FBXL17: variants seen among roughly 807,000 people sequenced by gnomAD.
FBXL17 encodes the protein F-box and leucine rich repeat protein 17, also known as F-box/LRR-repeat protein 17.
A neutral mutation model predicts 66.2 loss-of-function variants in FBXL17; 22 were observed. The observed-to-expected ratio is 0.33, with a 90% CI of 0.24 to 0.47. FBXL17 has a LOEUF of 0.47. Ranked by LOEUF, FBXL17 falls within the 20% of genes least tolerant of loss-of-function variation. The pLI is 1.00. For synonymous variants in FBXL17, 474 were observed against 400.5 expected (o/e 1.18, Z -2.19); for missense variants, 878 against 948.2 (o/e 0.93, Z 0.97).
chr5:108,349,360 ATGAG>A (rs1257425353), intron 3 of FBXL17, among the ~76,000 whole-genome samples: 3 of 152,156 alleles, frequency 2.0e-5, no homozygotes, highest in Admixed American at 6.6e-5. Context: ...TGATTAGCGC[ATGAG>A]TGAGTTTTTA....
At chr5:108,091,783 C>A (rs1749196360) in intron 6 of FBXL17, among the ~76,000 whole-genome samples, 1 of 152,146 alleles carries the variant, frequency 6.6e-6, no homozygotes, top group Non-Finnish European at 1.5e-5. Flanking sequence ...TTTGTGAATT[C>A]CTTAAATTTG....
At chr5:107,947,927 C>A (rs1751368352) in intron 7 of FBXL17, among the ~76,000 whole-genome samples, 1 of 152,108 alleles carries the variant, frequency 6.6e-6, no homozygotes, top group Non-Finnish European at 1.5e-5. Flanking sequence ...ATACTCTGAA[C>A]AGAAGATGGG....
chr5:107,934,638 C>A (rs796364074), intron 7 of FBXL17, among the ~76,000 whole-genome samples: 35 of 152,208 alleles, frequency 2.3e-4, no homozygotes, highest in African/African-American at 7.9e-4. Context: ...ATTTTGCAGA[C>A]TAGCTCTGGT....
chr5:108,177,919 A>G lies in FBXL17; in HGVS notation c.1745+8198T>C, dbSNP rs1222496868. On this transcript the variant is annotated intron_variant, in intron 6 of 8. Transcript: ENST00000542267. ...GCTCCAGAAAAAAAAATGTATATAT[A>G]TATATATATATATACACACACACAC... Among the ~76,000 whole-genome samples the G allele has an allele frequency of 1.1e-4, 16 of 141,954 alleles. 1 individual carries two copies. The South Asian group carries it at 3.1e-3, about 28-fold the overall frequency. The allele number at this position is 141,954 out of a possible 152,430, so 93.1% of individuals were successfully genotyped here. A position where few individuals can be genotyped will look rare whatever the true frequency, so the allele number is the denominator to read the frequency against.
intron 7 of FBXL17, among the ~76,000 whole-genome samples, chr5:107,934,310 T>G (rs1750827851): frequency 6.6e-6 from 1 of 152,176 alleles, no homozygotes; most frequent in Admixed American, 6.5e-5. Flanking sequence ...AAATCATTTT[T>G]GATTGTCATC....
intron 6 of FBXL17, among the ~76,000 whole-genome samples, chr5:108,183,790 G>A (rs546360581): frequency 2.0e-5 from 3 of 152,128 alleles, no homozygotes; most frequent in East Asian, 1.9e-4. Flanking sequence ...GTAGTTCAAC[G>A]CCCACTCGTA....
intron 7 of FBXL17, among the ~76,000 whole-genome samples, chr5:107,952,653 T>C (rs1220219920): frequency 1.3e-5 from 2 of 152,208 alleles, no homozygotes; most frequent in African/African-American, 4.8e-5. Flanking sequence ...ATTTCAAATA[T>C]TGGCATGGTT....
At chr5:107,973,859 AT>A (rs1473910866) in intron 7 of FBXL17, among the ~76,000 whole-genome samples, 18 of 149,988 alleles carry the variant, frequency 1.2e-4, no homozygotes, top group African/African-American at 2.4e-5. Flanking sequence ...AAAAAAAAAA[AT>A]ACACTTAACT....
At chr5:108,051,800 C>T (rs1008959092) in intron 6 of FBXL17, among the ~76,000 whole-genome samples, 4 of 151,992 alleles carry the variant, frequency 2.6e-5, no homozygotes, top group Non-Finnish European at 5.9e-5. Context: ...CACATTGAAA[C>T]CTCATCTCCA....
At chr5:108,357,140 A>C (rs1050325190) in intron 3 of FBXL17, among the ~76,000 whole-genome samples, 4 of 152,064 alleles carry the variant, frequency 2.6e-5, no homozygotes, top group Non-Finnish European at 5.9e-5. Flanking sequence ...GCAATCCTTC[A>C]GAAATGTTTA....
chr5:108,051,805 T>G (rs1415681027), intron 6 of FBXL17, among the ~76,000 whole-genome samples: 3 of 151,672 alleles, frequency 2.0e-5, no homozygotes, highest in African/African-American at 7.3e-5. Flanking sequence ...TGAAACCTCA[T>G]CTCCACTAAA....
At chr5:108,172,230 A>C (rs1752633041) in intron 6 of FBXL17, among the ~76,000 whole-genome samples, 1 of 152,180 alleles carries the variant, frequency 6.6e-6, no homozygotes, top group African/African-American at 2.4e-5. Flanking sequence ...GCTTATTCAC[A>C]TGTTGGTGGC....
At chr5:108,018,441 A>T (rs921075102) in intron 7 of FBXL17, among the ~76,000 whole-genome samples, 1 of 152,110 alleles carries the variant, frequency 6.6e-6, no homozygotes, top group Non-Finnish European at 1.5e-5. Flanking sequence ...TTTGACAAAA[A>T]TTACTCATAT....
rs560633622 is a variant in FBXL17, at chr5:108,229,563, G to A, written c.1507-5335C>T. 5.9e-5 allele frequency among the ~76,000 whole-genome samples: 9 copies of A among 152,054 alleles called. 1 individual carries two copies. Among genetic ancestry groups the A allele is most frequent in the South Asian group, 2.1e-4 (1 of 4,808 alleles). On this transcript the variant is annotated intron_variant, in intron 4 of 8. Transcript: ENST00000542267. ...TCATCTCTCACCTTATACAAAAATC[G>A]AATCAAGATGGATCAAGGACTTAAA...
chr5:108,282,178 C>G (rs983982561), intron 4 of FBXL17, among the ~76,000 whole-genome samples: 1 of 151,768 alleles, frequency 6.6e-6, no homozygotes, highest in African/African-American at 2.4e-5. Flanking sequence ...CTATATGAAT[C>G]CAGTATCATC....
At chr5:108,165,250 A>C (rs529861849) in intron 6 of FBXL17, among the ~76,000 whole-genome samples, 8 of 152,312 alleles carry the variant, frequency 5.3e-5, no homozygotes, top group African/African-American at 1.9e-4. Flanking sequence ...AGTGACAGGC[A>C]CCAATTGCAA....
chr5:108,064,232 A>C (rs1748032172), intron 6 of FBXL17, among the ~76,000 whole-genome samples: 1 of 152,038 alleles, frequency 6.6e-6, no homozygotes, highest in African/African-American at 2.4e-5. Flanking sequence ...TTCTATTCTG[A>C]GTTATTCTGC....
At chr5:107,961,874 G>A (rs1751923893) in intron 7 of FBXL17, among the ~76,000 whole-genome samples, 1 of 152,068 alleles carries the variant, frequency 6.6e-6, no homozygotes, top group Admixed American at 6.6e-5. Flanking sequence ...GGGAACACAG[G>A]CTAGGAGACA....
rs765629134 is a variant in FBXL17, at chr5:108,131,626, T to G, written c.1745+54491A>C. Among the ~76,000 whole-genome samples the G allele has an allele frequency of 6.5e-4, 99 of 152,198 alleles. 1 individual carries two copies. The highest frequency in any genetic ancestry group is 1.5e-3 in the South Asian group (7 of 4,816). ...ATTCTCAGAGCAGCAAGAGACCACT[T>G]TTTCATCAAAACACAAATTTTTGCT... On this transcript the variant is annotated intron_variant, in intron 6 of 8. Transcript: ENST00000542267.
Sources: allele counts gnomAD v4.1 joint callset (sites outside exome capture counted in the v4.1 genomes callset), GRCh38; gene constraint gnomAD v4.1.1; transcripts MANE v1.5; gene names NCBI Gene and HGNC (gene_info 2026-07-23, HGNC 2026-07-21).